The following DIPK1A variants were observed in gnomAD, a reference collection of about 807,000 sequenced individuals.
DIPK1A encodes the protein family with sequence similarity 69 member A.
A neutral mutation model predicts 40.8 loss-of-function variants in DIPK1A; 27 were observed. The observed-to-expected ratio is 0.66, with a 90% confidence interval of 0.49 to 0.91. The LOEUF (loss-of-function observed/expected upper bound fraction) is 0.91. DIPK1A is among the 40% of genes least tolerant of loss of function. The probability of loss-of-function intolerance (pLI) is 0.00; values close to 1 mark genes in which losing one functional copy is unlikely to be tolerated. For synonymous variants in DIPK1A, 166 were observed against 171.3 expected (o/e 0.97, Z 0.24); for missense variants, 412 against 505.7 (o/e 0.81, Z 1.78).
intron 1 of DIPK1A, among the ~76,000 whole-genome samples, chr1:92,926,086 TCTTTA>T (rs1650493535): frequency 6.6e-6 from 1 of 152,184 alleles, no homozygotes; most frequent in South Asian, 2.1e-4. Context: ...TCTGCTATTG[TCTTTA>T]CTTTCTTCTT....
downstream of DIPK1A, chr1:92,840,536 T>A: frequency 6.2e-7 from 1 of 1,600,280 alleles, no homozygotes. Flanking sequence ...TACTGTTTGC[T>A]TTCCTTTGTT....
At chr1:92,902,913 C>T (rs986468206) in intron 1 of DIPK1A, among the ~76,000 whole-genome samples, 5 of 152,134 alleles carry the variant, frequency 3.3e-5, no homozygotes, top group African/African-American at 9.7e-5. Flanking sequence ...GGCTTCTAGT[C>T]GGCCATCTTG....
rs913730731 is a variant in DIPK1A at position 92,843,143 on chromosome 1, T to C, written c.*240A>G. ...GGTTTTTAAAGTCAGTCAAAATAGTTACACAATGAATGTACTTCGGAGATG... is the reference window on the plus strand; with the variant it reads ...GGTTTTTAAAGTCAGTCAAAATAGTCACACAATGAATGTACTTCGGAGATG... On this transcript the variant is annotated 3_prime_UTR_variant, in exon 5 of 5. Transcript: ENST00000370310. The C allele has an allele frequency of 5.8e-6, 7 of 1,213,748 alleles. No individual in the cohort carries two copies. The highest frequency in any genetic ancestry group is 6.2e-6 in the Non-Finnish European group (6 of 970,842). 75.2% of individuals were successfully genotyped at this position (1,213,748 alleles called of 1,614,324 possible).
chr1:92,903,676 T>C (rs991320722), intron 1 of DIPK1A, among the ~76,000 whole-genome samples: 4 of 152,138 alleles, frequency 2.6e-5, no homozygotes, highest in Non-Finnish European at 5.9e-5. Flanking sequence ...ACCCTCAACA[T>C]AGGGATGACC....
At chr1:92,942,393 G>A (rs1651187400) in intron 1 of DIPK1A, among the ~76,000 whole-genome samples, 1 of 152,096 alleles carries the variant, frequency 6.6e-6, no homozygotes, top group African/African-American at 2.4e-5. Context: ...TAGGACAAAA[G>A]CATTATCAAA....
chr1:92,908,098 G>T (rs1025135226), intron 1 of DIPK1A, among the ~76,000 whole-genome samples: 1 of 152,148 alleles, frequency 6.6e-6, no homozygotes, highest in African/African-American at 2.4e-5. Context: ...ATTGGGGAAG[G>T]ATGAGTTCAG....
chr1:92,866,957 A>ATG (rs146249082), intron 2 of DIPK1A, among the ~76,000 whole-genome samples: 67 of 152,044 alleles, frequency 4.4e-4, no homozygotes, highest in African/African-American at 1.1e-3. Flanking sequence ...TGATTAAATA[A>ATG]TGTGTGTGTG....
intron 2 of DIPK1A, among the ~76,000 whole-genome samples, chr1:92,858,808 C>CTGTTT (rs570462568): frequency 3.9e-5 from 6 of 152,280 alleles, no homozygotes; most frequent in Non-Finnish European, 8.8e-5. Context: ...TGGCCACGTA[C>CTGTTT]TGTTTTGTTT....
chr1:92,844,226 G>C lies in DIPK1A; in HGVS notation c.475-31C>G, dbSNP rs1286732246. The C allele has an allele frequency of 2.1e-6, 3 of 1,410,630 alleles. No homozygotes were observed. The Admixed American group carries it at 6.6e-5, about 31-fold the overall frequency. The allele number at this position is 1,410,630 out of a possible 1,614,324, so 87.4% of individuals were successfully genotyped here. A position where few individuals can be genotyped will look rare whatever the true frequency, so the allele number is the denominator to read the frequency against. On this transcript the variant is annotated intron_variant, in intron 4 of 4. Coordinates refer to ENST00000370310, the MANE Select transcript of DIPK1A (RefSeq NM_001006605.5). The stretch of plus-strand genomic sequence containing the variant: ...AAGAATTTGGCTAGTTACACAGAAG[G>C]AATGAAAAATACCTCCCATGCAACA...
At chr1:92,926,120 TA>T (rs1231627567) in intron 1 of DIPK1A, among the ~76,000 whole-genome samples, 2 of 152,222 alleles carry the variant, frequency 1.3e-5, no homozygotes, top group Non-Finnish European at 2.9e-5. Flanking sequence ...TTAATTTGCT[TA>T]TTTTTTTCCA....
chr1:92,948,203 A>G (rs1247274478), intron 1 of DIPK1A, among the ~76,000 whole-genome samples: 3 of 152,190 alleles, frequency 2.0e-5, no homozygotes, highest in Non-Finnish European at 4.4e-5. Flanking sequence ...GTAAAAGTGT[A>G]GCTGACAGAA....
intron 1 of DIPK1A, among the ~76,000 whole-genome samples, chr1:92,941,952 T>C (rs1227367643): frequency 6.7e-6 from 1 of 149,948 alleles, no homozygotes; most frequent in African/African-American, 2.5e-5. Flanking sequence ...ATCACACCAT[T>C]GCACTCCAGC....
chr1:92,880,613 T>TA (rs1372920795), intron 1 of DIPK1A, among the ~76,000 whole-genome samples: 2 of 149,750 alleles, frequency 1.3e-5, no homozygotes, highest in Non-Finnish European at 3.0e-5. Context: ...TCACGCCTGT[T>TA]ATCCCAGCAC....
intron 1 of DIPK1A, among the ~76,000 whole-genome samples, chr1:92,914,509 CGTGT>C (rs1649965631): frequency 6.6e-6 from 1 of 152,118 alleles, no homozygotes; most frequent in Non-Finnish European, 1.5e-5. Flanking sequence ...GTGGCTCTCG[CGTGT>C]AATCCCAGCA....
At chr1:92,943,032 G>T (rs1289738176) in intron 1 of DIPK1A, among the ~76,000 whole-genome samples, 1 of 152,198 alleles carries the variant, frequency 6.6e-6, no homozygotes, top group African/African-American at 2.4e-5. Context: ...GTAAATATTA[G>T]AAAACAGATG....
At chr1:92,895,288 T>G (rs1033409046) in intron 1 of DIPK1A, among the ~76,000 whole-genome samples, 2 of 151,978 alleles carry the variant, frequency 1.3e-5, no homozygotes, top group African/African-American at 2.4e-5. Flanking sequence ...CAGCAGCACA[T>G]CAAAAAGCTT....
chr1:92,960,521 T>A (rs1265782260), intron 1 of DIPK1A, among the ~76,000 whole-genome samples: 1 of 152,146 alleles, frequency 6.6e-6, no homozygotes, highest in Non-Finnish European at 1.5e-5. Context: ...ACTCGCGGTG[T>A]CTACTAGGTC....
At chr1:92,846,494 C>T in intron 4 of DIPK1A, 1 of 338,116 alleles carries the variant, frequency 3.0e-6, no homozygotes, top group South Asian at 2.2e-5. Flanking sequence ...CATTTTATTT[C>T]ACCTTTTTTG....
chr1:92,842,500 A>G lies in DIPK1A; in HGVS notation c.*883T>C. ...GGGGAAAAAAACATTAGATAAATAAATACATTTACATGCCTCTTTAAGAAA... is the reference window on the plus strand; with the variant it reads ...GGGGAAAAAAACATTAGATAAATAAGTACATTTACATGCCTCTTTAAGAAA... On this transcript the variant is annotated 3_prime_UTR_variant, in exon 5 of 5. Coordinates refer to ENST00000370310, the MANE Select transcript of DIPK1A (RefSeq NM_001006605.5). 1 of 979,664 alleles carries G rather than the reference A, an allele frequency of 1.0e-6. No individual in the cohort carries two copies. The highest frequency in any genetic ancestry group is 1.2e-6 in the Non-Finnish European group (1 of 824,678). The allele number at this position is 979,664 out of a possible 1,614,324, so 60.7% of individuals were successfully genotyped here.
Sources: gnomAD v4.1 joint callset for allele counts (sites outside exome capture counted in the v4.1 genomes callset) on GRCh38, gnomAD v4.1.1 for gene constraint, MANE v1.5 for transcripts, NCBI Gene and HGNC (gene_info 2026-07-23, HGNC 2026-07-21) for gene names.